The following DTWD2 variants were observed in gnomAD, a reference collection of about 807,000 sequenced individuals.
DTWD2 encodes tRNA-uridine aminocarboxypropyltransferase 2.
DTWD2 carries 39 observed loss-of-function variants against 31.8 expected under a neutral mutation model. The observed-to-expected ratio is 1.22, with a 90% confidence interval of 0.95 to 1.60. The LOEUF (loss-of-function observed/expected upper bound fraction) is 1.60, where lower values mean the gene tolerates loss of function less well. Ranked by LOEUF, DTWD2 falls within the 40% of genes most tolerant of loss-of-function variation. The probability of loss-of-function intolerance (pLI) is 0.00; values close to 1 mark genes in which losing one functional copy is unlikely to be tolerated. For synonymous variants in DTWD2, 180 were observed against 142.8 expected, an observed-to-expected ratio of 1.26 and a Z score of -1.86; for missense variants, 515 against 381.5, an observed-to-expected ratio of 1.35 and a Z score of -2.92.
chr5:118,863,727 T>A (rs1047005091), intron 4 of DTWD2, among the ~76,000 whole-genome samples: 2 of 152,184 alleles, frequency 1.3e-5, no homozygotes, highest in Non-Finnish European at 2.9e-5. Flanking sequence ...AAGGAGCAGA[T>A]CCAGAGCCCT....
intron 4 of DTWD2, among the ~76,000 whole-genome samples, chr5:118,914,547 T>C (rs1221279980): frequency 1.3e-5 from 2 of 148,592 alleles, no homozygotes; most frequent in African/African-American, 2.6e-5. Flanking sequence ...ACAGTAAATA[T>C]AATAAGACAT....
rs1561466151 is a variant in DTWD2 at position 118,945,773 on chromosome 5, AAAAAGAAAG to A, written c.219-1133_219-1125del. Among the ~76,000 whole-genome samples, 20 of 139,788 alleles carry A rather than the reference AAAAAGAAAG, an allele frequency of 1.4e-4. 1 individual carries two copies. The highest frequency in any genetic ancestry group is 1.9e-4 in the African/African-American group (7 of 35,902). The allele number at this position is 139,788 out of a possible 152,430, so 91.7% of individuals were successfully genotyped here. Reference sequence around the variant, plus strand: ...GAGCGAGACTCCAACTCAAAAAAAAAAAAAGAAAGAAAGAAAGAAAGAAAGAAAGAAAGA... The same window carrying A: ...GAGCGAGACTCCAACTCAAAAAAAAAAAAGAAAGAAAGAAAGAAAGAAAGA... On this transcript the variant is annotated intron_variant, in intron 1 of 5. Transcript: ENST00000510708.
chr5:118,837,270 T>G lies in DTWD2; in HGVS notation c.*3647A>C, dbSNP rs1162662218. 1 of 152,162 alleles carries G rather than the reference T, an allele frequency of 6.6e-6. No individual in the cohort carries two copies. Among genetic ancestry groups the G allele is most frequent in the Non-Finnish European group, 1.5e-5 (1 of 68,014 alleles). 9.4% of individuals were successfully genotyped at this position (152,162 alleles called of 1,614,324 possible). On this transcript the variant is annotated 3_prime_UTR_variant, in exon 6 of 6. Transcript: ENST00000510708. Reference sequence around the variant, plus strand: ...TGGACAATTTAAGAGAGTAATTCATTCTACAAAAAGCCTACTTATGGGGCA... The same window carrying G: ...TGGACAATTTAAGAGAGTAATTCATGCTACAAAAAGCCTACTTATGGGGCA...
At chr5:118,928,875 A>T (rs982964667) in intron 3 of DTWD2, 146 bp from the exon 4 acceptor site, 1 of 658,744 alleles carries the variant, frequency 1.5e-6, no homozygotes, top group Non-Finnish European at 2.3e-6. Context: ...AGTATGAATT[A>T]AAAAGACTCA....
At chr5:118,916,589 C>T (rs371827889) in intron 4 of DTWD2, among the ~76,000 whole-genome samples, 3 of 150,440 alleles carry the variant, frequency 2.0e-5, no homozygotes, top group South Asian at 2.1e-4. Context: ...CACTTGAACC[C>T]GGGATGCGGA....
chr5:118,932,934 A>G (rs1753959513), intron 3 of DTWD2, among the ~76,000 whole-genome samples: 1 of 152,156 alleles, frequency 6.6e-6, no homozygotes, highest in South Asian at 2.1e-4. Flanking sequence ...CACCTGAGGT[A>G]ATCAAAAAAA....
At position 118,964,574 on chromosome 5, in the gene DTWD2, C is replaced by T. The variant is rs559255607; in HGVS notation, c.219-19925G>A. ...CCTGCCTCAGCCTGCCGAATGCCTGCGATTGCAGGCGCGTGCCGCCACGCC... is the reference window on the plus strand; with the variant it reads ...CCTGCCTCAGCCTGCCGAATGCCTGTGATTGCAGGCGCGTGCCGCCACGCC... On this transcript the variant is annotated intron_variant, in intron 1 of 5. Transcript: ENST00000510708. Among the ~76,000 whole-genome samples, 129 of 152,342 alleles carry T rather than the reference C, an allele frequency of 8.5e-4. 2 individuals carry two copies. The highest frequency in any genetic ancestry group is 2.9e-3 in the African/African-American group (120 of 41,586).
chr5:118,944,256 T>C (rs1754276108), intron 2 of DTWD2, among the ~76,000 whole-genome samples: 1 of 152,140 alleles, frequency 6.6e-6, no homozygotes, highest in Non-Finnish European at 1.5e-5. Flanking sequence ...TAAAAAGCAA[T>C]GATTTTCTTA....
Position 118,836,265 on chromosome 5 carries a change from C to T in DTWD2, c.*4652G>A, listed in dbSNP as rs1314462890. Among the ~76,000 whole-genome samples the T allele has an allele frequency of 2.6e-5, 4 of 152,020 alleles. No homozygotes were observed. Among genetic ancestry groups the T allele is most frequent in the African/African-American group, 9.7e-5 (4 of 41,396 alleles). On this transcript the variant is annotated 3_prime_UTR_variant, in exon 6 of 6. Coordinates refer to ENST00000510708, the MANE Select transcript of DTWD2 (RefSeq NM_173666.4). Reference sequence around the variant, plus strand: ...TTTATTTATTTATTTATTTGAGACACTGTCTCACTCTGTCGCCCAGGCTAG... The same window carrying T: ...TTTATTTATTTATTTATTTGAGACATTGTCTCACTCTGTCGCCCAGGCTAG...
intron 1 of DTWD2, among the ~76,000 whole-genome samples, chr5:118,965,938 AAAAT>A (rs1754836633): frequency 4.6e-5 from 7 of 151,594 alleles, no homozygotes; most frequent in Admixed American, 1.3e-4. Flanking sequence ...ATCAATAAAA[AAAAT>A]AAATAAAAAT....
At chr5:118,986,903 A>C (rs1339387752) in intron 1 of DTWD2, among the ~76,000 whole-genome samples, 1 of 152,236 alleles carries the variant, frequency 6.6e-6, no homozygotes, top group Non-Finnish European at 1.5e-5. Context: ...GAAATAAGCA[A>C]AGTGCAGAAA....
rs118121059 is a variant in DTWD2 at position 118,969,847 on chromosome 5, G to T, written c.218+18447C>A. On this transcript the variant is annotated intron_variant, in intron 1 of 5. Coordinates refer to ENST00000510708, the MANE Select transcript of DTWD2 (RefSeq NM_173666.4). ...TGAAGCTGAGATGACTGAAATGACA[G>T]AAGGAGGCTTCAGAAAATGGGTAAT... 4.9e-3 allele frequency among the ~76,000 whole-genome samples: 748 copies of T among 152,268 alleles called. 10 individuals carry two copies. Among genetic ancestry groups the T allele is most frequent in the South Asian group, 0.034 (164 of 4,822 alleles).
chr5:118,937,336 G>A (rs1389810747), intron 3 of DTWD2, among the ~76,000 whole-genome samples: 1 of 146,860 alleles, frequency 6.8e-6, no homozygotes, highest in African/African-American at 2.5e-5. Flanking sequence ...TTAATGTATT[G>A]TATACTTGAA....
At chr5:118,971,854 T>C (rs1282794859) in intron 1 of DTWD2, among the ~76,000 whole-genome samples, 1 of 152,168 alleles carries the variant, frequency 6.6e-6, no homozygotes, top group Non-Finnish European at 1.5e-5. Flanking sequence ...ACATGGAAAT[T>C]GAACAACCTG....
Position 118,923,906 on chromosome 5 carries a change from A to C in DTWD2, c.597+4631T>G, listed in dbSNP as rs533785633. Among the ~76,000 whole-genome samples, 396 of 152,290 alleles carry C rather than the reference A, an allele frequency of 2.6e-3. 3 individuals carry two copies. Among genetic ancestry groups the C allele is most frequent in the African/African-American group, 8.3e-3 (343 of 41,548 alleles). ...AGCCACCTCAGACAGACACTGGAACATGTTAGACAACACTTAAATGCTTCG... is the reference window on the plus strand; with the variant it reads ...AGCCACCTCAGACAGACACTGGAACCTGTTAGACAACACTTAAATGCTTCG... On this transcript the variant is annotated intron_variant, in intron 4 of 5. Coordinates refer to ENST00000510708, the MANE Select transcript of DTWD2 (RefSeq NM_173666.4).
chr5:118,901,081 T>A (rs1753200455), intron 4 of DTWD2, among the ~76,000 whole-genome samples: 1 of 152,020 alleles, frequency 6.6e-6, no homozygotes, highest in African/African-American at 2.4e-5. Context: ...AGCTACATTA[T>A]AAAATATGTG....
chr5:118,959,938 GTCAA>G (rs1231506186), intron 1 of DTWD2, among the ~76,000 whole-genome samples: 3 of 152,036 alleles, frequency 2.0e-5, no homozygotes, highest in African/African-American at 7.2e-5. Flanking sequence ...ATATATAAAA[GTCAA>G]TCAAGATGGA....
intron 1 of DTWD2, among the ~76,000 whole-genome samples, chr5:118,960,927 G>A (rs985699174): frequency 3.3e-5 from 5 of 152,174 alleles, no homozygotes; most frequent in Non-Finnish European, 5.9e-5. Flanking sequence ...CTAATTGAGG[G>A]TGGAGGGTGG....
At chr5:118,936,900 T>G (rs1754058108) in intron 3 of DTWD2, among the ~76,000 whole-genome samples, 1 of 152,110 alleles carries the variant, frequency 6.6e-6, no homozygotes, top group Non-Finnish European at 1.5e-5. Context: ...TAAAAGAGGT[T>G]ACCACTACAG....
Sources: allele counts gnomAD v4.1 joint callset (sites outside exome capture counted in the v4.1 genomes callset), GRCh38; gene constraint gnomAD v4.1.1; transcripts MANE v1.5; gene names NCBI Gene and HGNC (gene_info 2026-07-23, HGNC 2026-07-21).